Variants in TENM3 observed in about 807,000 individuals in gnomAD.
The protein encoded by TENM3 is teneurin-3.
Under a neutral mutation model 255.1 loss-of-function variants are expected in TENM3, and 63 were observed. The ratio of observed to expected loss-of-function variants is 0.25; its 90% CI spans 0.20 to 0.30. The LOEUF is 0.30. TENM3 is among the 10% of genes least tolerant of loss of function. TENM3 has a pLI of 1.00. For missense variants in TENM3, 2,929 were observed against 3,461.1 expected (o/e 0.85, Z 3.86); for synonymous variants, 1,306 against 1,322.3 (o/e 0.99, Z 0.27).
At chr4:182,129,991 T>G in the TENM3 span, among the ~76,000 whole-genome samples, 1 of 152,262 alleles carries the variant, frequency 6.6e-6, no homozygotes, top group African/African-American at 2.4e-5. Flanking sequence ...ACTGTAAAGT[T>G]TCTAATGTAG....
the TENM3 span, among the ~76,000 whole-genome samples, chr4:181,951,619 C>A: frequency 1.3e-5 from 2 of 152,340 alleles, no homozygotes; most frequent in East Asian, 3.9e-4. Context: ...GTACCCAGTG[C>A]CCCTCTGCTT....
At chr4:182,180,142 T>A (rs569169188) in intron 1 of TENM3, among the ~76,000 whole-genome samples, 13 of 150,432 alleles carry the variant, frequency 8.6e-5, no homozygotes, top group East Asian at 7.7e-4. Flanking sequence ...TTTTTTTTTT[T>A]AAATCTGAAT....
intron 1 of TENM3, among the ~76,000 whole-genome samples, chr4:182,291,533 T>G (rs141307152): frequency 1.3e-5 from 2 of 152,254 alleles, no homozygotes; most frequent in African/African-American, 4.8e-5. Flanking sequence ...CTGTACCTCG[T>G]CACATCAGTG....
At chr4:181,613,600 T>G in the TENM3 span, among the ~76,000 whole-genome samples, 45 of 152,306 alleles carry the variant, frequency 3.0e-4, no homozygotes, top group African/African-American at 1.0e-3. Context: ...TTGTATTATG[T>G]CTCTCTGCCT....
chr4:181,798,957 T>C, the TENM3 span, among the ~76,000 whole-genome samples: 3 of 152,198 alleles, frequency 2.0e-5, no homozygotes, highest in Non-Finnish European at 4.4e-5. Flanking sequence ...AAAGAAGTGA[T>C]GCATAAAGAA....
intron 12 of TENM3, among the ~76,000 whole-genome samples, chr4:182,711,893 C>T (rs1485040392): frequency 2.0e-5 from 3 of 151,676 alleles, no homozygotes; most frequent in Non-Finnish European, 4.4e-5. Flanking sequence ...AGGTTTTTTT[C>T]TTTCTTTTCT....
the TENM3 span, among the ~76,000 whole-genome samples, chr4:181,886,204 C>T: frequency 6.6e-6 from 1 of 152,090 alleles, no homozygotes; most frequent in Admixed American, 6.5e-5. Flanking sequence ...AGGCGCGTGC[C>T]ACCACACCCA....
chr4:182,721,992 G>A (rs922563790), intron 13 of TENM3, among the ~76,000 whole-genome samples: 1 of 151,858 alleles, frequency 6.6e-6, no homozygotes, highest in Non-Finnish European at 1.5e-5. Flanking sequence ...TTTTATCCCA[G>A]GTGTTCACTT....
chr4:182,038,578 C>A, the TENM3 span, among the ~76,000 whole-genome samples: 1 of 152,156 alleles, frequency 6.6e-6, no homozygotes, highest in African/African-American at 2.4e-5. Context: ...CTTAAAGCAT[C>A]TGGCACTTCA....
intron 3 of TENM3, among the ~76,000 whole-genome samples, chr4:182,412,757 C>T (rs1463587348): frequency 2.6e-5 from 4 of 150,990 alleles, no homozygotes; most frequent in African/African-American, 7.3e-5. Flanking sequence ...CGCAGCTACT[C>T]GGGAAGCTTA....
chr4:181,617,816 C>T, the TENM3 span, among the ~76,000 whole-genome samples: 79,473 of 152,038 alleles, frequency 0.52, 21,523 homozygotes, highest in Non-Finnish European at 0.59. Flanking sequence ...CCTACAACTT[C>T]GCATTAGTAA....
At chr4:181,681,654 A>T in the TENM3 span, among the ~76,000 whole-genome samples, 3 of 152,286 alleles carry the variant, frequency 2.0e-5, no homozygotes, top group African/African-American at 4.8e-5. Flanking sequence ...TGAGTCAAGG[A>T]AATACCGACT....
the TENM3 span, among the ~76,000 whole-genome samples, chr4:182,087,141 C>T: frequency 2.6e-5 from 4 of 152,084 alleles, no homozygotes; most frequent in African/African-American, 9.7e-5. Flanking sequence ...TCTGAGTTTC[C>T]CCCTGTCTGT....
rs200135918 is a variant in TENM3 at position 182,672,956 on chromosome 4, G to GT, written c.1112-42dup. The stretch of plus-strand genomic sequence containing the variant: ...AAAGTTTAAAAACCTTTTTTGTTTT[G>GT]TTTTTTTAAAAAAAATTTGTTCTTC... On this transcript the variant is annotated intron_variant, in intron 6 of 27. Coordinates refer to ENST00000511685, the MANE Select transcript of TENM3 (RefSeq NM_001080477.4). 921 of 1,350,018 alleles carry GT rather than the reference G, an allele frequency of 6.8e-4. 3 individuals carry two copies. The African/African-American group carries it at 9.9e-3, about 15-fold the overall frequency. The allele number at this position is 1,350,018 out of a possible 1,614,324, so 83.6% of individuals were successfully genotyped here. A position where few individuals can be genotyped will look rare whatever the true frequency, so the allele number is the denominator to read the frequency against.
At chr4:181,712,797 T>C in the TENM3 span, among the ~76,000 whole-genome samples, 1 of 152,230 alleles carries the variant, frequency 6.6e-6, no homozygotes, top group Non-Finnish European at 1.5e-5. Context: ...AAAATTTCTC[T>C]TTTAAAAATT....
intron 13 of TENM3, among the ~76,000 whole-genome samples, chr4:182,716,343 T>C (rs1357817270): frequency 1.3e-5 from 2 of 152,206 alleles, no homozygotes; most frequent in Non-Finnish European, 2.9e-5. Flanking sequence ...AAAGAGGTTT[T>C]TCCTTTTCCT....
At chr4:182,767,132 A>G (rs1254278442) in intron 22 of TENM3, among the ~76,000 whole-genome samples, 5 of 152,132 alleles carry the variant, frequency 3.3e-5, no homozygotes, top group African/African-American at 9.7e-5. Context: ...ATTTCTTACT[A>G]CCTTGCTACA....
chr4:182,449,523 G>T (rs909462986), intron 3 of TENM3, among the ~76,000 whole-genome samples: 1 of 151,996 alleles, frequency 6.6e-6, no homozygotes, highest in Non-Finnish European at 1.5e-5. Flanking sequence ...CTGCCCTTTT[G>T]CCTGCATTCG....
chr4:182,366,963 G>T (rs549858148), intron 3 of TENM3, among the ~76,000 whole-genome samples: 1 of 151,974 alleles, frequency 6.6e-6, no homozygotes, highest in South Asian at 2.1e-4. Flanking sequence ...TTGAGAGTTC[G>T]TTTTAAGGAA....
Sources: allele counts gnomAD v4.1 joint callset (sites outside exome capture counted in the v4.1 genomes callset), GRCh38; gene constraint gnomAD v4.1.1; transcripts MANE v1.5; gene names NCBI Gene and HGNC (gene_info 2026-07-23, HGNC 2026-07-21).